ATP6V1B2: variants seen among roughly 807,000 people sequenced by gnomAD.
The protein encoded by ATP6V1B2 is ATPase H+ transporting V1 subunit B2, also known as V-type proton ATPase subunit B, brain isoform.
Under a neutral mutation model 66.7 loss-of-function variants are expected in ATP6V1B2, and 23 were observed. The observed-to-expected ratio is 0.34, with a 90% CI of 0.25 to 0.49. ATP6V1B2 has a LOEUF of 0.49. ATP6V1B2 is among the 20% of genes least tolerant of loss of function. The pLI is 0.99. For synonymous variants in ATP6V1B2, 278 were observed against 236.7 expected, an observed-to-expected ratio of 1.17 and a Z score of -1.60; for missense variants, 478 against 650.8, an observed-to-expected ratio of 0.73 and a Z score of 2.89.
chr8:20,209,592 T>G (rs2072772951), intron 3 of ATP6V1B2, 61 bp downstream of exon 3: 1 of 1,419,102 alleles, frequency 7.0e-7, no homozygotes, highest in Non-Finnish European at 1.0e-6. Flanking sequence ...GAACACTGCT[T>G]GTTTCTTTCT....
intron 1 of ATP6V1B2, among the ~76,000 whole-genome samples, chr8:20,202,453 T>C (rs1187606095): frequency 6.6e-6 from 1 of 152,242 alleles, no homozygotes; most frequent in Non-Finnish European, 1.5e-5. Flanking sequence ...TATGATAGTG[T>C]TATCAATTAA....
At position 20,212,762 on chromosome 8, in the gene ATP6V1B2, G is replaced by C; in HGVS notation, c.804-20G>C. 6.2e-7 allele frequency: 1 copy of C among 1,611,414 alleles called. No individual in the cohort carries two copies. Among genetic ancestry groups the C allele is most frequent in the Non-Finnish European group, 8.5e-7 (1 of 1,179,120 alleles). The stretch of plus-strand genomic sequence containing the variant: ...TGGTCTTTTGGTTTGAGTGGCCTAA[G>C]ACTTAATGTTCCCTTTCAGCATTGA... On this transcript the variant is annotated intron_variant, in intron 8 of 13. Coordinates refer to ENST00000276390, the MANE Select transcript of ATP6V1B2 (RefSeq NM_001693.4).
chr8:20,199,244 A>T (rs916150137), intron 1 of ATP6V1B2, among the ~76,000 whole-genome samples: 14 of 152,340 alleles, frequency 9.2e-5, no homozygotes, highest in African/African-American at 3.1e-4. Context: ...CTGTTGTAGC[A>T]TAGGGCTTCA....
Position 20,217,316 on chromosome 8 carries a change from A to T in ATP6V1B2, c.1258A>T (p.Asn420Tyr), listed in dbSNP as rs767182084. The T allele has an allele frequency of 6.2e-7, 1 of 1,607,370 alleles. No individual in the cohort carries two copies. Among genetic ancestry groups the T allele is most frequent in the Non-Finnish European group, 8.5e-7 (1 of 1,174,038 alleles). ...CAGGAAGGATCATGCCGATGTATCT[A>T]ACCAGCTAGTATGTACATTCTTCTA... The part of the protein sequence containing the change: ...MTRKDHADVS[N>Y]QLYACYAIGK... Residue 420 changes from asparagine to tyrosine, a missense_variant, in exon 12 of 14, where the codon AAC becomes TAC. Asn to Tyr is a moderately radical substitution (Grantham distance 143, BLOSUM62 -2). Around this residue, in one of 2 missense-constraint regions of ATP6V1B2, gnomAD observed 326 missense variants for 545.6 expected, o/e 0.60. Transcript: ENST00000276390.
At chr8:20,199,603 G>GTT (rs2072663447) in intron 1 of ATP6V1B2, among the ~76,000 whole-genome samples, 1 of 128,538 alleles carries the variant, frequency 7.8e-6, no homozygotes, top group Non-Finnish European at 1.6e-5. Context: ...AATTTTTGTG[G>GTT]GTTTTTTTTT....
chr8:20,203,908 CT>C, intron 1 of ATP6V1B2: 2 of 446,156 alleles, frequency 4.5e-6, no homozygotes, highest in South Asian at 1.6e-5. Flanking sequence ...TTCAGAAGCT[CT>C]TTTCCCTAGT....
chr8:20,199,809 C>T (rs1002154965), intron 1 of ATP6V1B2, among the ~76,000 whole-genome samples: 2 of 152,006 alleles, frequency 1.3e-5, no homozygotes, highest in African/African-American at 4.8e-5. Context: ...CGGGATTTCA[C>T]CGTGTTTCCC....
At chr8:20,202,045 A>G (rs1364359297) in intron 1 of ATP6V1B2, among the ~76,000 whole-genome samples, 4 of 152,206 alleles carry the variant, frequency 2.6e-5, no homozygotes, top group Non-Finnish European at 4.4e-5. Context: ...CTCATGACCC[A>G]TTCCCCTCTT....
chr8:20,219,951 A>G (rs2072891885), intron 13 of ATP6V1B2, among the ~76,000 whole-genome samples: 1 of 152,158 alleles, frequency 6.6e-6, no homozygotes, highest in Admixed American at 6.5e-5. Context: ...ATCTCTGGAC[A>G]AAACATTGAT....
chr8:20,211,607 A>G lies in ATP6V1B2; in HGVS notation c.604-45A>G, dbSNP rs752043229. The stretch of plus-strand genomic sequence containing the variant: ...TGGTAAAAGTTATTTTGTTGTAGAA[A>G]TGTTATTTTAGATTTCAACTGAATT... On this transcript the variant is annotated intron_variant, in intron 6 of 13. Transcript: ENST00000276390. 3 of 1,545,630 alleles carry G rather than the reference A, an allele frequency of 1.9e-6. No individual in the cohort carries two copies. The African/African-American group carries it at 4.2e-5, about 21-fold the overall frequency.
At chr8:20,197,646 C>G in intron 1 of ATP6V1B2, 104 bp downstream of exon 1, 8 of 1,259,810 alleles carry the variant, frequency 6.4e-6, no homozygotes, top group Non-Finnish European at 8.1e-6. Context: ...ATTTGTTTTT[C>G]CCTCCCGCGT....
chr8:20,214,022 A>G (rs1471588371), intron 9 of ATP6V1B2: 1 of 152,228 alleles, frequency 6.6e-6, no homozygotes, highest in African/African-American at 2.4e-5. Flanking sequence ...AAGTTTCTAA[A>G]TGCTTATCTT....
At chr8:20,204,161 A>G (rs2072715133) in intron 1 of ATP6V1B2, 3 of 383,808 alleles carry the variant, frequency 7.8e-6, no homozygotes, top group South Asian at 6.6e-5. Context: ...ATCTCATCAC[A>G]TTCTAACTCC....
In ATP6V1B2 at chr8:20,218,302, A is replaced by G. The variant is rs1563818426; in HGVS notation, c.1396+20A>G. On this transcript the variant is annotated intron_variant, in intron 13 of 13. Coordinates refer to ENST00000276390, the MANE Select transcript of ATP6V1B2 (RefSeq NM_001693.4). ...CTCAGGGTAAGATGACTGTTGGCTT[A>G]CAAACATAAAAAGCCTCATATGTAA... 1 of 1,606,360 alleles carries G rather than the reference A, an allele frequency of 6.2e-7. No individual in the cohort carries two copies.
intron 13 of ATP6V1B2, among the ~76,000 whole-genome samples, chr8:20,219,938 C>G (rs905315362): frequency 2.0e-5 from 3 of 152,152 alleles, no homozygotes; most frequent in African/African-American, 7.2e-5. Flanking sequence ...ACTTTTCTTA[C>G]TAATCTCTGG....
chr8:20,218,690 T>C (rs1563818764), intron 13 of ATP6V1B2, among the ~76,000 whole-genome samples: 1 of 152,214 alleles, frequency 6.6e-6, no homozygotes, highest in Non-Finnish European at 1.5e-5. Flanking sequence ...TGCCTCTTAA[T>C]TGTTAGTAAT....
chr8:20,202,202 C>T (rs13257413), intron 1 of ATP6V1B2, among the ~76,000 whole-genome samples: 27,759 of 152,026 alleles, frequency 0.18, 2,664 homozygotes, highest in Middle Eastern at 0.29. Flanking sequence ...TACAAGATAC[C>T]ATACCACAAA....
At chr8:20,212,735 T>C (rs746077263) in intron 8 of ATP6V1B2, 47 bp from the exon 9 acceptor site, 18 of 1,585,402 alleles carry the variant, frequency 1.1e-5, no homozygotes, top group Middle Eastern at 1.7e-4. Flanking sequence ...GTGTTTTCTT[T>C]TTGGTCTTTT....
intron 1 of ATP6V1B2, among the ~76,000 whole-genome samples, chr8:20,199,274 A>G (rs1356283604): frequency 6.6e-6 from 1 of 152,212 alleles, no homozygotes; most frequent in African/African-American, 2.4e-5. Context: ...GTTAGATGTC[A>G]GGGATCCTTT....
Sources: allele counts gnomAD v4.1 joint callset (sites outside exome capture counted in the v4.1 genomes callset), GRCh38; gene constraint gnomAD v4.1.1; regional missense constraint gnomAD v4.1.1; transcripts MANE v1.5; gene names NCBI Gene and HGNC (gene_info 2026-07-23, HGNC 2026-07-21).